The following RPE variants were observed in gnomAD, a reference collection of about 807,000 sequenced individuals.
RPE encodes ribulose-phosphate 3-epimerase.
RPE carries 16 observed loss-of-function variants against 24.6 expected under a neutral mutation model. That is an observed-to-expected ratio of 0.65 (90% CI 0.44 to 0.99). RPE has a LOEUF of 0.99. RPE is among the 50% of genes least tolerant of loss of function. The pLI is 0.00. For missense variants in RPE, 240 were observed against 294.5 expected (o/e 0.81, Z 1.35); for synonymous variants, 93 against 98.4 (o/e 0.94, Z 0.33).
chr2:210,007,912 G>C (rs1216105130), intron 1 of RPE, among the ~76,000 whole-genome samples: 1 of 152,190 alleles, frequency 6.6e-6, no homozygotes. Context: ...CATTCTGTAA[G>C]GGCTTTGTTG....
At chr2:210,013,264 A>G (rs1231750850) in intron 2 of RPE, among the ~76,000 whole-genome samples, 1 of 152,142 alleles carries the variant, frequency 6.6e-6, no homozygotes, top group Non-Finnish European at 1.5e-5. Flanking sequence ...ACTTGCAAAA[A>G]TGTAAAACAA....
rs2093853043 is a variant in RPE at position 210,021,403 on chromosome 2, A to G, written c.*1612A>G. 1 of 152,582 alleles carries G rather than the reference A, an allele frequency of 6.6e-6. No homozygotes were observed. The highest frequency in any genetic ancestry group is 1.5e-5 in the Non-Finnish European group (1 of 67,982). 9.5% of individuals were successfully genotyped at this position (152,582 alleles called of 1,614,324 possible). A position where few individuals can be genotyped will look rare whatever the true frequency, so the allele number is the denominator to read the frequency against. On this transcript the variant is annotated 3_prime_UTR_variant, in exon 6 of 6. Transcript: ENST00000359429. ...TTTGTGCCATGAATACGTCGCATTTAATAACAAGCAACACACGGCATATAG... is the reference window on the plus strand; with the variant it reads ...TTTGTGCCATGAATACGTCGCATTTGATAACAAGCAACACACGGCATATAG...
chr2:210,013,545 C>A (rs1282350798), intron 2 of RPE, among the ~76,000 whole-genome samples: 1 of 152,096 alleles, frequency 6.6e-6, no homozygotes, highest in Non-Finnish European at 1.5e-5. Context: ...AAACTGGGCT[C>A]AAGCCATCCT....
chr2:210,019,807 A>C lies in RPE; in HGVS notation c.*16A>C. On this transcript the variant is annotated 3_prime_UTR_variant, in exon 6 of 6. Transcript: ENST00000359429. ...TGATCGGTGAAACCATAAGGAGCCC[A>C]GTGTTCCTGTTCATGAAATCTCCCT... is the stretch of plus-strand genomic sequence containing the variant. 1 of 1,607,312 alleles carries C rather than the reference A, an allele frequency of 6.2e-7. No individual in the cohort carries two copies. Among genetic ancestry groups the C allele is most frequent in the Non-Finnish European group, 8.5e-7 (1 of 1,176,810 alleles).
At chr2:210,003,494 T>TA in intron 1 of RPE, 1 of 1,268,720 alleles carries the variant, frequency 7.9e-7, no homozygotes, top group Non-Finnish European at 1.0e-6. Context: ...GCACCGTAGT[T>TA]ACAGCACATA....
intron 1 of RPE, chr2:210,003,417 T>C: frequency 7.8e-7 from 1 of 1,279,250 alleles, no homozygotes; most frequent in Middle Eastern, 2.1e-4. Context: ...ATTCTGATTT[T>C]CCTGTCTATT....
chr2:210,015,932 G>C, intron 2 of RPE, 41 bp from the exon 3 acceptor site: 1 of 1,603,456 alleles, frequency 6.2e-7, no homozygotes, highest in Non-Finnish European at 8.5e-7. Flanking sequence ...ACATGAGCCA[G>C]GTATTTTTCA....
intron 1 of RPE, among the ~76,000 whole-genome samples, chr2:210,003,032 A>G (rs1025676157): frequency 6.6e-6 from 1 of 152,148 alleles, no homozygotes; most frequent in Admixed American, 6.5e-5. Context: ...GTGGTCTTCC[A>G]TCACTTAGGA....
At chr2:210,002,914 G>A (rs921864700) in intron 1 of RPE, 131 bp downstream of exon 1, 5 of 1,550,594 alleles carry the variant, frequency 3.2e-6, no homozygotes, top group Middle Eastern at 3.4e-4. Context: ...TGCTAGAAGG[G>A]GTGTGGGGTA....
chr2:210,003,584 C>T, intron 1 of RPE: 1 of 504,814 alleles, frequency 2.0e-6, no homozygotes, highest in South Asian at 1.9e-5. Flanking sequence ...CAGTAAGACT[C>T]CCTCAAGATT....
intron 2 of RPE, among the ~76,000 whole-genome samples, chr2:210,012,248 G>A (rs921255953): frequency 1.2e-4 from 19 of 152,064 alleles, no homozygotes; most frequent in Admixed American, 9.8e-4. Context: ...AGACCCTTTC[G>A]GGTCATCCAT....
rs770780715 is a variant in RPE at position 210,019,916 on chromosome 2, T to C, written c.*125T>C. 186 of 1,229,262 alleles carry C rather than the reference T, an allele frequency of 1.5e-4. No individual in the cohort carries two copies. The highest frequency in any genetic ancestry group is 1.9e-4 in the Non-Finnish European group (170 of 906,364). 76.1% of individuals were successfully genotyped at this position (1,229,262 alleles called of 1,614,324 possible). A position where few individuals can be genotyped will look rare whatever the true frequency, so the allele number is the denominator to read the frequency against. On this transcript the variant is annotated 3_prime_UTR_variant, in exon 6 of 6. Transcript: ENST00000359429. The stretch of plus-strand genomic sequence containing the variant: ...TTTTTTGAGCAGTTATTCATTCCAG[T>C]GATTAAAACTGATTGTGCAGAATAT...
chr2:210,002,912 G>C (rs1332182904), intron 1 of RPE, 129 bp downstream of exon 1: 2 of 1,551,182 alleles, frequency 1.3e-6, no homozygotes, highest in Admixed American at 1.9e-5. Context: ...GATGCTAGAA[G>C]GGGTGTGGGG....
chr2:210,008,144 C>T (rs899061304), intron 1 of RPE, among the ~76,000 whole-genome samples: 37 of 152,274 alleles, frequency 2.4e-4, no homozygotes, highest in African/African-American at 7.2e-4. Context: ...GACAACTATA[C>T]GATAGCAGTA....
Position 210,015,504 on chromosome 2 carries a change from G to A in RPE, c.203-469G>A, listed in dbSNP as rs541865802. 8.5e-5 allele frequency among the ~76,000 whole-genome samples: 13 copies of A among 152,324 alleles called. No individual in the cohort carries two copies. The South Asian group carries it at 2.7e-3, about 32-fold the overall frequency. The stretch of plus-strand genomic sequence containing the variant: ...ATTGTTTGACTCTCGCATTAAGAAT[G>A]TAATCCCTATGACAGGAGAGTTTCA... On this transcript the variant is annotated intron_variant, in intron 2 of 5. Coordinates refer to ENST00000359429, the MANE Select transcript of RPE (RefSeq NM_199229.3).
intron 5 of RPE, chr2:210,018,119 G>A (rs929937419): frequency 1.5e-5 from 23 of 1,508,952 alleles, no homozygotes; most frequent in Non-Finnish European, 1.8e-5. Flanking sequence ...GCTGAAGAAA[G>A]TTCTTTTTTA....
At chr2:210,009,871 TC>T in intron 2 of RPE, 135 bp downstream of exon 2, 2 of 1,169,326 alleles carry the variant, frequency 1.7e-6, no homozygotes, top group Non-Finnish European at 2.5e-6. Context: ...TTGGCCTGAC[TC>T]CAGTAACAAG....
chr2:210,021,038 ATAT>A lies in RPE; in HGVS notation c.*1252_*1254del, dbSNP rs924271097. 6.6e-6 allele frequency: 1 copy of A among 152,138 alleles called. No homozygotes were observed. Among genetic ancestry groups the A allele is most frequent in the Non-Finnish European group, 1.5e-5 (1 of 67,974 alleles). The allele number at this position is 152,138 out of a possible 1,614,324, so 9.4% of individuals were successfully genotyped here. On this transcript the variant is annotated 3_prime_UTR_variant, in exon 6 of 6. Coordinates refer to ENST00000359429, the MANE Select transcript of RPE (RefSeq NM_199229.3). The stretch of plus-strand genomic sequence containing the variant: ...AACTATGGATCTTGACCCCAAGGAT[ATAT>A]TATTTTATTCCAAGAAAGATCAGGT...
Position 210,019,736 on chromosome 2 carries a change from A to G in RPE, c.632A>G (p.Asn211Ser), listed in dbSNP as rs780014372. ...AGTGAAGACCCCAGATCTGTGATCAATCTATTAAGAAATGTTTGCTCAGAA... is the reference window on the plus strand; with the variant it reads ...AGTGAAGACCCCAGATCTGTGATCAGTCTATTAAGAAATGTTTGCTCAGAA... ...MRSEDPRSVINLLRNVCSEAA... is the reference protein window; with the variant it reads ...MRSEDPRSVISLLRNVCSEAA... Residue 211 changes from asparagine (N) to serine (S), a missense_variant, in exon 6 of 6, where the codon AAT (asparagine) becomes AGT (serine). Coordinates refer to ENST00000359429, the MANE Select transcript of RPE (RefSeq NM_199229.3). 4.3e-6 allele frequency: 7 copies of G among 1,613,358 alleles called. No homozygotes were observed. The highest frequency in any genetic ancestry group is 1.7e-5 in the Admixed American group (1 of 59,956).
Sources: gnomAD v4.1 joint callset for allele counts (sites outside exome capture counted in the v4.1 genomes callset) on GRCh38, gnomAD v4.1.1 for gene constraint, MANE v1.5 for transcripts, NCBI Gene and HGNC (gene_info 2026-07-23, HGNC 2026-07-21) for gene names.